RB1CC1: variants seen among roughly 807,000 people sequenced by gnomAD.
RB1CC1 encodes RB1 inducible coiled-coil 1, also known as RB1-inducible coiled-coil protein 1.
A neutral mutation model predicts 177.5 loss-of-function variants in RB1CC1; 46 were observed. The ratio of observed to expected loss-of-function variants is 0.26; its 90% CI spans 0.20 to 0.33. The LOEUF (loss-of-function observed/expected upper bound fraction) is 0.33. Among genes scored for constraint, RB1CC1 ranks in the 10% least tolerant of loss-of-function variants. The pLI, the probability that RB1CC1 is intolerant of heterozygous loss-of-function variation, is 1.00. For synonymous variants in RB1CC1, 666 were observed against 613.6 expected (o/e 1.09, Z -1.26); for missense variants, 1,703 against 1,816.3 (o/e 0.94, Z 1.13).
intron 1 of RB1CC1, among the ~76,000 whole-genome samples, chr8:52,702,319 T>C (rs902808739): frequency 4.6e-5 from 7 of 152,214 alleles, no homozygotes; most frequent in East Asian, 1.9e-4. Context: ...ATGACCTACA[T>C]AGACCAATTT....
At chr8:52,701,735 C>A (rs1163672087) in intron 1 of RB1CC1, among the ~76,000 whole-genome samples, 2 of 151,550 alleles carry the variant, frequency 1.3e-5, no homozygotes, top group Non-Finnish European at 2.9e-5. Context: ...GATAAAGCTG[C>A]TTGATCTCAA....
chr8:52,662,375 T>C (rs1851707194), intron 8 of RB1CC1, among the ~76,000 whole-genome samples: 1 of 152,056 alleles, frequency 6.6e-6, no homozygotes, highest in African/African-American at 2.4e-5. Flanking sequence ...CAAGTAGGGA[T>C]TAAGTTACTA....
intron 6 of RB1CC1, among the ~76,000 whole-genome samples, chr8:52,676,049 A>G (rs1853094726): frequency 6.6e-6 from 1 of 152,180 alleles, no homozygotes; most frequent in Non-Finnish European, 1.5e-5. Context: ...GTTATTTTTC[A>G]CATCTTGCCT....
intron 1 of RB1CC1, among the ~76,000 whole-genome samples, chr8:52,701,860 G>GT (rs1182747924): frequency 6.6e-5 from 10 of 151,266 alleles, no homozygotes; most frequent in Non-Finnish European, 1.0e-4. Flanking sequence ...AGGCTGGAGT[G>GT]CAGTGGCACA....
At position 52,623,169 on chromosome 8, in the gene RB1CC1, G is replaced by A. The variant is rs1848163252; in HGVS notation, c.*613C>T. 6.4e-6 allele frequency: 1 copy of A among 156,234 alleles called. No homozygotes were observed. Among genetic ancestry groups the A allele is most frequent in the African/African-American group, 2.4e-5 (1 of 41,060 alleles). The allele number at this position is 156,234 out of a possible 1,614,324, so 9.7% of individuals were successfully genotyped here. On this transcript the variant is annotated 3_prime_UTR_variant, in exon 24 of 24. Transcript: ENST00000025008. ...TTTTGAAGATTGCTGATTACTTATG[G>A]CTGATCTTAAAATCAGTCAATCAAA...
chr8:52,668,274 G>A, intron 7 of RB1CC1, 83 bp from the exon 8 acceptor site: 1 of 1,458,954 alleles, frequency 6.9e-7, no homozygotes, highest in Non-Finnish European at 9.2e-7. Flanking sequence ...CATACAGCTT[G>A]AGAGAAAATA....
intron 20 of RB1CC1, among the ~76,000 whole-genome samples, chr8:52,634,475 G>C (rs776317696): frequency 1.3e-5 from 2 of 151,062 alleles, no homozygotes; most frequent in African/African-American, 2.4e-5. Flanking sequence ...GCAGTGAGTC[G>C]AGATCACACC....
At chr8:52,660,332 A>T (rs1429584470) in intron 12 of RB1CC1, among the ~76,000 whole-genome samples, 1 of 152,184 alleles carries the variant, frequency 6.6e-6, no homozygotes, top group Non-Finnish European at 1.5e-5. Flanking sequence ...AAAACAAAAA[A>T]ACCAAGTGAA....
chr8:52,714,114 C>T lies in RB1CC1; in HGVS notation c.-206G>A. 2.9e-6 allele frequency: 1 copy of T among 348,428 alleles called. No individual in the cohort carries two copies. Among genetic ancestry groups the T allele is most frequent in the Non-Finnish European group, 5.8e-6 (1 of 172,240 alleles). 21.6% of individuals were successfully genotyped at this position (348,428 alleles called of 1,614,324 possible). A position where few individuals can be genotyped will look rare whatever the true frequency, so the allele number is the denominator to read the frequency against. Reference sequence around the variant, plus strand: ...TCCTTCGCCGGCGGCAGCAGCAGAGCCAGCGACCCCCGGCACCATCTTCCG... The same window carrying T: ...TCCTTCGCCGGCGGCAGCAGCAGAGTCAGCGACCCCCGGCACCATCTTCCG... On this transcript the variant is annotated 5_prime_UTR_variant, in exon 1 of 24. Coordinates refer to ENST00000025008, the MANE Select transcript of RB1CC1 (RefSeq NM_014781.5).
intron 16 of RB1CC1, among the ~76,000 whole-genome samples, chr8:52,644,172 G>A (rs1434759957): frequency 6.6e-6 from 1 of 151,946 alleles, no homozygotes. Context: ...GAAAAAAGGG[G>A]GCTAGTTAAG....
At chr8:52,664,410 C>T (rs1019721403) in intron 8 of RB1CC1, among the ~76,000 whole-genome samples, 2 of 151,906 alleles carry the variant, frequency 1.3e-5, no homozygotes, top group East Asian at 1.9e-4. Context: ...TTAATTGTCT[C>T]GAAATGTTTA....
At chr8:52,693,322 A>G (rs2150647179) in intron 1 of RB1CC1, among the ~76,000 whole-genome samples, 1 of 152,370 alleles carries the variant, frequency 6.6e-6, no homozygotes, top group Non-Finnish European at 1.5e-5. Flanking sequence ...AACTATCATC[A>G]GAGTGAACAG....
Position 52,628,174 on chromosome 8 carries a change from T to A in RB1CC1, c.4500-6A>T, listed in dbSNP as rs369093984. 8.1e-6 allele frequency: 13 copies of A among 1,605,264 alleles called. No homozygotes were observed. In the African/African-American group the frequency reaches 1.2e-4, roughly 15 times the overall value. On this transcript the variant is annotated splice_polypyrimidine_tract_variant and splice_region_variant and intron_variant, in intron 21 of 23. Coordinates refer to ENST00000025008, the MANE Select transcript of RB1CC1 (RefSeq NM_014781.5). The stretch of plus-strand genomic sequence containing the variant: ...CCAAATCTCCCACCTGAAAACTGAA[T>A]AAAGAAATGCAATTTTATTGACTTA...
chr8:52,623,563 A>C lies in RB1CC1; in HGVS notation c.*219T>G, dbSNP rs949658462. On this transcript the variant is annotated 3_prime_UTR_variant, in exon 24 of 24. Transcript: ENST00000025008. ...TAGAGTTGTCTGGGTAAAAAAAAAAACCAAAAAACAAAAACCATTTTAATT... is the reference window on the plus strand; with the variant it reads ...TAGAGTTGTCTGGGTAAAAAAAAAACCCAAAAAACAAAAACCATTTTAATT... 7 of 547,216 alleles carry C rather than the reference A, an allele frequency of 1.3e-5. No individual in the cohort carries two copies. The highest frequency in any genetic ancestry group is 9.6e-5 in the African/African-American group (5 of 51,900). The allele number at this position is 547,216 out of a possible 1,614,324, so 33.9% of individuals were successfully genotyped here.
chr8:52,658,962 T>C lies in RB1CC1; in HGVS notation c.1704A>G (p.Arg568=). 2 of 1,558,898 alleles carry C rather than the reference T, an allele frequency of 1.3e-6. No individual in the cohort carries two copies. The highest frequency in any genetic ancestry group is 1.7e-6 in the Non-Finnish European group (2 of 1,153,098). ...WPPSFCTQKP[R]KFDCELPDIS... is the part of the protein sequence containing the mutation. ...TATCTGGAAGTTCACAGTCAAACTT[T>C]CGAGGCTTTTGAGTCTGTACCAAAA... Residue 568 remains arginine, a synonymous_variant, in exon 13 of 24, where the codon CGA becomes CGG. Coordinates refer to ENST00000025008, the MANE Select transcript of RB1CC1 (RefSeq NM_014781.5).
At position 52,656,498 on chromosome 8, in the gene RB1CC1, T is replaced by A; in HGVS notation, c.3331A>T (p.Ile1111Phe). 6.2e-7 allele frequency: 1 copy of A among 1,611,268 alleles called. No individual in the cohort carries two copies. Among genetic ancestry groups the A allele is most frequent in the Non-Finnish European group, 8.5e-7 (1 of 1,179,678 alleles). ...RTEISKLNQK[I>F]QDNNENYQVG... ...TGATAATTTTCATTATTATCCTGAA[T>A]CTTTTGGTTGAGTTTACTAATTTCT... Residue 1111 changes from isoleucine to phenylalanine, a missense_variant, in exon 15 of 24, where the codon ATT (isoleucine) becomes TTT (phenylalanine). By Grantham distance (21) the Ile-to-Phe change is conservative. Transcript: ENST00000025008.
At chr8:52,663,588 G>C (rs1302775026) in intron 8 of RB1CC1, among the ~76,000 whole-genome samples, 3 of 151,964 alleles carry the variant, frequency 2.0e-5, no homozygotes, top group African/African-American at 7.2e-5. Context: ...AATGTGTTTA[G>C]CAAGATGTAA....
At chr8:52,625,399 G>C (rs1169842838) in intron 22 of RB1CC1, among the ~76,000 whole-genome samples, 3 of 152,044 alleles carry the variant, frequency 2.0e-5, no homozygotes, top group Admixed American at 2.0e-4. Context: ...GAGAAGACAG[G>C]ATAATCCTAG....
At chr8:52,638,272 T>G (rs567215079) in intron 18 of RB1CC1, among the ~76,000 whole-genome samples, 34 of 152,316 alleles carry the variant, frequency 2.2e-4, no homozygotes, top group African/African-American at 8.2e-4. Context: ...TCTACTGATA[T>G]AGTGTATGAC....
Sources: allele counts gnomAD v4.1 joint callset (sites outside exome capture counted in the v4.1 genomes callset), GRCh38; gene constraint gnomAD v4.1.1; transcripts MANE v1.5; gene names NCBI Gene and HGNC (gene_info 2026-07-23, HGNC 2026-07-21).